SLC4A4: variants seen among roughly 807,000 people sequenced by gnomAD.
SLC4A4 encodes electrogenic sodium bicarbonate cotransporter 1.
Under a neutral mutation model 111.5 loss-of-function variants are expected in SLC4A4, and 27 were observed. The ratio of observed to expected loss-of-function variants is 0.24; its 90% CI spans 0.18 to 0.33. The LOEUF is 0.33. Among genes scored for constraint, SLC4A4 ranks in the 10% least tolerant of loss-of-function variants. SLC4A4 has a pLI of 1.00. For synonymous variants in SLC4A4, 443 were observed against 463.4 expected (o/e 0.96, Z 0.57); for missense variants, 909 against 1,315.5 (o/e 0.69, Z 4.78).
chr4:71,219,662 C>T (rs925132987), intron 1 of SLC4A4, among the ~76,000 whole-genome samples: 1 of 152,058 alleles, frequency 6.6e-6, no homozygotes, highest in Non-Finnish European at 1.5e-5. Flanking sequence ...AAATTGAAAA[C>T]CTTCTGAAAA....
chr4:71,409,173 A>G (rs1721137163), intron 7 of SLC4A4, among the ~76,000 whole-genome samples: 1 of 152,134 alleles, frequency 6.6e-6, no homozygotes, highest in Admixed American at 6.5e-5. Flanking sequence ...AATATAGTAA[A>G]CTGGTACCAG....
intron 18 of SLC4A4, among the ~76,000 whole-genome samples, chr4:71,534,904 A>T (rs1318039547): frequency 6.6e-6 from 1 of 152,152 alleles, no homozygotes; most frequent in African/African-American, 2.4e-5. Flanking sequence ...TATTTTGGAC[A>T]TTTTAAAAAT....
At chr4:71,465,023 T>A (rs1727182190) in intron 12 of SLC4A4, among the ~76,000 whole-genome samples, 1 of 152,084 alleles carries the variant, frequency 6.6e-6, no homozygotes. Context: ...GGTGGCCTAG[T>A]GAGGCTGACA....
chr4:71,536,260 C>T (rs948590299), intron 18 of SLC4A4, among the ~76,000 whole-genome samples: 7 of 150,274 alleles, frequency 4.7e-5, no homozygotes, highest in Non-Finnish European at 1.0e-4. Context: ...AGCCTCCATT[C>T]AAGGGGGTGA....
chr4:71,224,472 GT>G (rs1314153058), intron 1 of SLC4A4, among the ~76,000 whole-genome samples: 2 of 151,940 alleles, frequency 1.3e-5, no homozygotes, highest in Non-Finnish European at 1.5e-5. Flanking sequence ...TAGCCATGTG[GT>G]TTTTTTTGGG....
chr4:71,304,604 G>A (rs1473085942), intron 3 of SLC4A4, among the ~76,000 whole-genome samples: 2 of 152,196 alleles, frequency 1.3e-5, no homozygotes, highest in South Asian at 2.1e-4. Flanking sequence ...CCTTAGCCCA[G>A]TCAAGTTGAC....
chr4:71,299,030 A>G (rs1725015242), intron 3 of SLC4A4, among the ~76,000 whole-genome samples: 1 of 152,234 alleles, frequency 6.6e-6, no homozygotes. Flanking sequence ...GAGGACATCT[A>G]ACACATCTAG....
At chr4:71,095,172 T>C (rs372540735) in intron 2 of SLC4A4, among the ~76,000 whole-genome samples, 12 of 152,230 alleles carry the variant, frequency 7.9e-5, no homozygotes, top group South Asian at 2.1e-4. Flanking sequence ...TACTTCTACG[T>C]GAAGCCATTC....
At chr4:71,090,739 C>T (rs967282959) in intron 1 of SLC4A4, among the ~76,000 whole-genome samples, 1 of 152,190 alleles carries the variant, frequency 6.6e-6, no homozygotes, top group Non-Finnish European at 1.5e-5. Flanking sequence ...GGAACCTCTT[C>T]AGAGTGACTT....
chr4:71,277,292 T>G (rs1006945141), intron 3 of SLC4A4, among the ~76,000 whole-genome samples: 3 of 152,208 alleles, frequency 2.0e-5, no homozygotes, highest in Non-Finnish European at 2.9e-5. Context: ...CTCTCTACTC[T>G]CACCAGCATT....
intron 3 of SLC4A4, among the ~76,000 whole-genome samples, chr4:71,284,211 G>A (rs1444258878): frequency 1.3e-5 from 2 of 152,052 alleles, no homozygotes; most frequent in Non-Finnish European, 2.9e-5. Flanking sequence ...CTCCTTTAAT[G>A]GTAGAAAGAC....
At chr4:71,121,453 G>A (rs1743425451) in intron 2 of SLC4A4, among the ~76,000 whole-genome samples, 1 of 152,206 alleles carries the variant, frequency 6.6e-6, no homozygotes, top group Admixed American at 6.5e-5. Flanking sequence ...GTGGGGTGTT[G>A]GAGAACTTTT....
chr4:71,178,496 A>T (rs1383189362), intron 2 of SLC4A4, among the ~76,000 whole-genome samples: 2 of 152,194 alleles, frequency 1.3e-5, no homozygotes, highest in African/African-American at 4.8e-5. Context: ...AGAATCAAAT[A>T]GATGCAATAA....
chr4:71,535,687 G>A (rs1013087131), intron 18 of SLC4A4, among the ~76,000 whole-genome samples: 2 of 152,046 alleles, frequency 1.3e-5, no homozygotes, highest in Non-Finnish European at 2.9e-5. Flanking sequence ...AGAACATCAT[G>A]GGAAAGTTGC....
At chr4:71,254,209 C>T (rs1721277912) in intron 2 of SLC4A4, among the ~76,000 whole-genome samples, 2 of 152,262 alleles carry the variant, frequency 1.3e-5, no homozygotes, top group South Asian at 4.1e-4. Flanking sequence ...AAAATGTTCA[C>T]ATTATTTCTC....
rs553717417 is a variant in SLC4A4, at chr4:71,569,803, T to C, written c.*2052T>C. On this transcript the variant is annotated 3_prime_UTR_variant, in exon 26 of 26. Transcript: ENST00000264485. ...TATTATCCTGAGTTAGCTGTTACTT[T>C]TACAGTACCTGATACTCCTAAAACT... is the stretch of plus-strand genomic sequence containing the variant. 3.0e-4 allele frequency: 45 copies of C among 151,814 alleles called. No individual in the cohort carries two copies. The highest frequency in any genetic ancestry group is 1.1e-3 in the African/African-American group (45 of 41,504). The allele number at this position is 151,814 out of a possible 1,614,324, so 9.4% of individuals were successfully genotyped here. A position where few individuals can be genotyped will look rare whatever the true frequency, so the allele number is the denominator to read the frequency against.
chr4:71,363,846 T>A (rs951893284), intron 6 of SLC4A4, among the ~76,000 whole-genome samples: 1 of 152,158 alleles, frequency 6.6e-6, no homozygotes, highest in Non-Finnish European at 1.5e-5. Context: ...AATGAACCGA[T>A]CTATGGAAAG....
intron 6 of SLC4A4, among the ~76,000 whole-genome samples, chr4:71,377,013 A>G (rs376938547): frequency 9.2e-5 from 14 of 152,288 alleles, no homozygotes; most frequent in Middle Eastern, 6.8e-3. Flanking sequence ...TTGTTTCTGA[A>G]AGTATAGTTG....
In SLC4A4 at chr4:71,215,903, ATT is replaced by A. The variant is rs990635246; in HGVS notation, c.-1-20655_-1-20654del. On this transcript the variant is annotated intron_variant, in intron 1 of 25. Coordinates refer to ENST00000264485, the MANE Select transcript of SLC4A4 (RefSeq NM_001098484.3). The stretch of plus-strand genomic sequence containing the variant: ...CTTGTCTACCAACTTTGTCATTTCT[ATT>A]TTTTTTTTTTTTTTTTTGAGATGGA... Among the ~76,000 whole-genome samples the A allele has an allele frequency of 1.7e-4, 22 of 127,810 alleles. 1 individual carries two copies. The highest frequency in any genetic ancestry group is 3.9e-4 in the Admixed American group (5 of 12,722). 83.8% of individuals were successfully genotyped at this position (127,810 alleles called of 152,430 possible).
Sources: allele counts gnomAD v4.1 joint callset (sites outside exome capture counted in the v4.1 genomes callset), GRCh38; gene constraint gnomAD v4.1.1; transcripts MANE v1.5; gene names NCBI Gene and HGNC (gene_info 2026-07-23, HGNC 2026-07-21).